MBOAT1: variants seen among roughly 807,000 people sequenced by gnomAD.
MBOAT1 encodes membrane bound glycerophospholipid O-acyltransferase 1, also known as membrane-bound glycerophospholipid O-acyltransferase 1.
MBOAT1 carries 67 observed loss-of-function variants against 64.4 expected under a neutral mutation model. The observed-to-expected ratio is 1.04, with a 90% CI of 0.85 to 1.27. The LOEUF (loss-of-function observed/expected upper bound fraction) is 1.27. Among genes scored for constraint, MBOAT1 ranks in the 50% most tolerant of loss-of-function variants. MBOAT1 has a pLI of 0.00. For synonymous variants in MBOAT1, 229 were observed against 218.9 expected (o/e 1.05, Z -0.41); for missense variants, 563 against 604.6 (o/e 0.93, Z 0.72).
At chr6:20,201,583 A>ATTTTTTTTTTTTTTT (rs56306528) in intron 1 of MBOAT1, among the ~76,000 whole-genome samples, 3 of 143,204 alleles carry the variant, frequency 2.1e-5, no homozygotes, top group African/African-American at 7.7e-5. Context: ...CAGATAAGTG[A>ATTTTTTTTTTTTTTT]TTTTTTTTTT....
chr6:20,204,613 C>A (rs1370354449), intron 1 of MBOAT1, among the ~76,000 whole-genome samples: 2 of 151,954 alleles, frequency 1.3e-5, no homozygotes, highest in East Asian at 3.9e-4. Flanking sequence ...GATTTTAGGG[C>A]CCAGCCTGAA....
intron 7 of MBOAT1, among the ~76,000 whole-genome samples, chr6:20,126,189 T>C (rs1760643692): frequency 6.6e-6 from 1 of 152,130 alleles, no homozygotes; most frequent in Non-Finnish European, 1.5e-5. Flanking sequence ...ATCTTTTGGC[T>C]GTACTTGAAT....
chr6:20,169,721 T>C (rs1762135371), intron 1 of MBOAT1, among the ~76,000 whole-genome samples: 1 of 152,192 alleles, frequency 6.6e-6, no homozygotes, highest in Non-Finnish European at 1.5e-5. Context: ...TTTTAAAAAC[T>C]TAATAATAAA....
intron 1 of MBOAT1, among the ~76,000 whole-genome samples, chr6:20,168,754 G>C (rs1762106060): frequency 2.0e-5 from 2 of 100,152 alleles, no homozygotes. Flanking sequence ...AGGGAGGAAG[G>C]AAGGGAGGGA....
rs777733537 is a variant in MBOAT1, at chr6:20,115,356, G to A, written c.1012-4C>T. 2 of 1,611,746 alleles carry A rather than the reference G, an allele frequency of 1.2e-6. No homozygotes were observed. Among genetic ancestry groups the A allele is most frequent in the Non-Finnish European group, 1.7e-6 (2 of 1,177,932 alleles). On this transcript the variant is annotated splice_region_variant and splice_polypyrimidine_tract_variant and intron_variant, in intron 9 of 12. Coordinates refer to ENST00000324607, the MANE Select transcript of MBOAT1 (RefSeq NM_001080480.3). ...ACATTTTGAAACTTGTGGCAGTCTGGAAAGAAGAAAATAACACCTATCATT... is the reference window on the plus strand; with the variant it reads ...ACATTTTGAAACTTGTGGCAGTCTGAAAAGAAGAAAATAACACCTATCATT...
chr6:20,125,948 G>A (rs1760637428), intron 7 of MBOAT1: 1 of 402,994 alleles, frequency 2.5e-6, no homozygotes, highest in Non-Finnish European at 4.8e-6. Flanking sequence ...GAGCATATTT[G>A]TAAAGTTCAA....
chr6:20,199,688 G>A (rs1340290975), intron 1 of MBOAT1, among the ~76,000 whole-genome samples: 1 of 152,084 alleles, frequency 6.6e-6, no homozygotes, highest in Non-Finnish European at 1.5e-5. Context: ...TAATGTGCAG[G>A]GCCAGGTGCG....
intron 1 of MBOAT1, among the ~76,000 whole-genome samples, chr6:20,175,479 C>T (rs1561776341): frequency 6.6e-6 from 1 of 152,040 alleles, no homozygotes; most frequent in Non-Finnish European, 1.5e-5. Context: ...TGGAGTCTCA[C>T]TCTGTTGCCC....
intron 1 of MBOAT1, among the ~76,000 whole-genome samples, chr6:20,155,709 A>C (rs1761656498): frequency 6.6e-6 from 1 of 152,196 alleles, no homozygotes; most frequent in East Asian, 1.9e-4. Flanking sequence ...AAGCTTGGCC[A>C]ATCAGAAACT....
chr6:20,118,692 T>C, intron 8 of MBOAT1, 152 bp from the exon 9 acceptor site: 1 of 608,972 alleles, frequency 1.6e-6, no homozygotes, highest in Non-Finnish European at 2.8e-6. Flanking sequence ...CCTGCTAACA[T>C]TCTGAATCAG....
At chr6:20,171,695 C>T (rs586124) in intron 1 of MBOAT1, among the ~76,000 whole-genome samples, 51,530 of 152,002 alleles carry the variant, frequency 0.34, 9,514 homozygotes, top group East Asian at 0.46. Context: ...TTTATCCAAC[C>T]CCAGCAGTAT....
intron 4 of MBOAT1, among the ~76,000 whole-genome samples, chr6:20,141,916 C>T (rs1761189286): frequency 6.6e-6 from 1 of 152,164 alleles, no homozygotes; most frequent in African/African-American, 2.4e-5. Flanking sequence ...GGTACCTCCA[C>T]AGGCACCTGT....
intron 12 of MBOAT1, among the ~76,000 whole-genome samples, chr6:20,103,914 T>A (rs111240780): frequency 7.4e-4 from 113 of 152,330 alleles, no homozygotes; most frequent in African/African-American, 2.6e-3. Context: ...CACAGTAATA[T>A]CCTAGGCCTT....
chr6:20,176,880 T>A (rs1467483382), intron 1 of MBOAT1, among the ~76,000 whole-genome samples: 1 of 152,172 alleles, frequency 6.6e-6, no homozygotes, highest in African/African-American at 2.4e-5. Flanking sequence ...CACCTTAGCC[T>A]CCCAAAGTGC....
At chr6:20,176,393 T>A (rs1762342976) in intron 1 of MBOAT1, among the ~76,000 whole-genome samples, 1 of 152,196 alleles carries the variant, frequency 6.6e-6, no homozygotes, top group African/African-American at 2.4e-5. Flanking sequence ...TGTTTCTGTT[T>A]AATACAATAC....
intron 1 of MBOAT1, among the ~76,000 whole-genome samples, chr6:20,171,829 T>C (rs538170799): frequency 1.3e-5 from 2 of 151,424 alleles, no homozygotes; most frequent in East Asian, 2.0e-4. Flanking sequence ...AGCCCAGGAG[T>C]TGAAGACCAG....
At chr6:20,122,893 G>A (rs547380700) in intron 8 of MBOAT1, among the ~76,000 whole-genome samples, 15 of 151,984 alleles carry the variant, frequency 9.9e-5, no homozygotes, top group Non-Finnish European at 2.2e-4. Flanking sequence ...GTTCAGTGGC[G>A]TGATCTCGGC....
Position 20,158,416 on chromosome 6 carries a change from A to C in MBOAT1, c.100-5647T>G, listed in dbSNP as rs190203229. Among the ~76,000 whole-genome samples the C allele has an allele frequency of 3.3e-5, 5 of 152,334 alleles. No homozygotes were observed. The East Asian group carries it at 9.6e-4, about 29-fold the overall frequency. On this transcript the variant is annotated intron_variant, in intron 1 of 12. Transcript: ENST00000324607. The stretch of plus-strand genomic sequence containing the variant: ...ACTTTCATCTCATCCCTTATACAAG[A>C]ATCAACTCAAAATGGATTAAAGGCT...
At position 20,152,864 on chromosome 6, in the gene MBOAT1, G is replaced by A. The variant is rs981723561; in HGVS notation, c.100-95C>T. On this transcript the variant is annotated intron_variant, in intron 1 of 12. Coordinates refer to ENST00000324607, the MANE Select transcript of MBOAT1 (RefSeq NM_001080480.3). ...TTGTTTTGTTTTGAGACGGAGTCTC[G>A]TTCTGTCGCCCAGGCTGGAGTGCAG... is the stretch of plus-strand genomic sequence containing the variant. The A allele has an allele frequency of 8.7e-6, 12 of 1,377,904 alleles. No individual in the cohort carries two copies. In the Admixed American group the frequency reaches 1.1e-4, roughly 13 times the overall value. The allele number at this position is 1,377,904 out of a possible 1,614,324, so 85.4% of individuals were successfully genotyped here. A position where few individuals can be genotyped will look rare whatever the true frequency, so the allele number is the denominator to read the frequency against.
Sources: allele counts gnomAD v4.1 joint callset (sites outside exome capture counted in the v4.1 genomes callset), GRCh38; gene constraint gnomAD v4.1.1; transcripts MANE v1.5; gene names NCBI Gene and HGNC (gene_info 2026-07-23, HGNC 2026-07-21).